Variants in DENND2B observed in about 807,000 individuals in gnomAD.
The protein encoded by DENND2B is DENN domain containing 2B.
In DENND2B, 32 loss-of-function variants were observed where a neutral mutation model predicts 116.0. The observed-to-expected ratio is 0.28, with a 90% CI of 0.21 to 0.37. The LOEUF (loss-of-function observed/expected upper bound fraction) is 0.37, where lower values mean the gene tolerates loss of function less well. Among genes scored for constraint, DENND2B ranks in the 10% least tolerant of loss-of-function variants. DENND2B has a pLI of 1.00. For synonymous variants in DENND2B, 588 were observed against 583.9 expected (o/e 1.01, Z -0.10); for missense variants, 1,276 against 1,477.7 (o/e 0.86, Z 2.24).
chr11:8,702,945 A>G lies in DENND2B; in HGVS notation c.2572-225T>C. On this transcript the variant is annotated intron_variant, in intron 13 of 19. Transcript: ENST00000313726. The surrounding 1 kb of genome is among the most constrained non-coding windows in gnomAD (Gnocchi z 4.6). The stretch of plus-strand genomic sequence containing the variant: ...TGTGGGCAAGAGGGCTGCCTGTGAA[A>G]GCGGGGAAGGCTCCAGAAGGAAGGA... 1.8e-6 allele frequency: 1 copy of G among 565,084 alleles called. No homozygotes were observed. The highest frequency in any genetic ancestry group is 3.1e-6 in the Non-Finnish European group (1 of 326,420). The allele number at this position is 565,084 out of a possible 1,614,324, so 35.0% of individuals were successfully genotyped here. A position where few individuals can be genotyped will look rare whatever the true frequency, so the allele number is the denominator to read the frequency against.
intron 1 of DENND2B, chr11:8,768,891 G>A (rs1384455659): frequency 6.6e-6 from 1 of 152,230 alleles, no homozygotes; most frequent in East Asian, 1.9e-4. Context: ...TTTGAGGGAT[G>A]TAGCTGACTA....
In DENND2B at chr11:8,766,663, C is replaced by T. The variant is rs574430863; in HGVS notation, c.-25-15938G>A. 51 of 1,289,252 alleles carry T rather than the reference C, an allele frequency of 4.0e-5. No homozygotes were observed. The African/African-American group carries it at 7.3e-4, about 18-fold the overall frequency. 79.9% of individuals were successfully genotyped at this position (1,289,252 alleles called of 1,614,324 possible). A position where few individuals can be genotyped will look rare whatever the true frequency, so the allele number is the denominator to read the frequency against. On this transcript the variant is annotated intron_variant, in intron 1 of 19. Transcript: ENST00000313726. ...TTCTTTGTTCCCACGGGGTTTCTTGCCAGCTATGCGCCCCACCTCCATTCT... is the reference window on the plus strand; with the variant it reads ...TTCTTTGTTCCCACGGGGTTTCTTGTCAGCTATGCGCCCCACCTCCATTCT...
At chr11:8,797,984 C>T (rs2059983530) in intron 1 of DENND2B, among the ~76,000 whole-genome samples, 1 of 152,200 alleles carries the variant, frequency 6.6e-6, no homozygotes, top group Non-Finnish European at 1.5e-5. Flanking sequence ...CCCAAATCTG[C>T]ACATTAACGG....
rs1446660669 is a variant in DENND2B, at chr11:8,707,479, A to C, written c.2431-254T>G. On this transcript the variant is annotated intron_variant, in intron 12 of 19. Coordinates refer to ENST00000313726, the MANE Select transcript of DENND2B (RefSeq NM_213618.2). This position sits in a 1 kb window ranked among gnomAD's most constrained non-coding sequence, Gnocchi z 4.8. ...CTGGGCAAAGGAAATACCACCCAAG[A>C]GTCAGCTCCCTGGGCGCTCCTGCTT... Among the ~76,000 whole-genome samples, 1 of 152,198 alleles carries C rather than the reference A, an allele frequency of 6.6e-6. No homozygotes were observed. Among genetic ancestry groups the C allele is most frequent in the Admixed American group, 6.5e-5 (1 of 15,286 alleles).
At chr11:8,759,363 G>A (rs1319855095) in intron 1 of DENND2B, among the ~76,000 whole-genome samples, 3 of 152,182 alleles carry the variant, frequency 2.0e-5, no homozygotes, top group Non-Finnish European at 4.4e-5. Context: ...GCAAGCATTT[G>A]GAGGAAAGCC....
At chr11:8,718,103 C>CCCCCCCCCT (rs2045342470) in intron 4 of DENND2B, 1 of 266,048 alleles carries the variant, frequency 3.8e-6, no homozygotes, top group Non-Finnish European at 7.1e-6. Context: ...CCCACCCCCC[C>CCCCCCCCCT]ACCCCCCCCA....
chr11:8,725,092 G>GA (rs2133890838), intron 4 of DENND2B, among the ~76,000 whole-genome samples: 1 of 152,312 alleles, frequency 6.6e-6, no homozygotes, highest in Admixed American at 6.5e-5. Context: ...CCAGCACCAT[G>GA]AAACTGGGGC....
At chr11:8,831,236 G>A (rs904785783) in intron 4 of DENND2B, among the ~76,000 whole-genome samples, 2 of 152,204 alleles carry the variant, frequency 1.3e-5, no homozygotes, top group Non-Finnish European at 2.9e-5. Flanking sequence ...ACATAAGTAT[G>A]TAATGGGTGT....
intron 1 of DENND2B, among the ~76,000 whole-genome samples, chr11:8,754,274 G>T (rs1320403598): frequency 6.6e-6 from 1 of 152,156 alleles, no homozygotes; most frequent in East Asian, 1.9e-4. Flanking sequence ...ATTTGGAACA[G>T]AAATTCTCCA....
At chr11:8,890,765 G>C (rs929046857) in intron 1 of DENND2B, among the ~76,000 whole-genome samples, 1 of 152,154 alleles carries the variant, frequency 6.6e-6, no homozygotes, top group African/African-American at 2.4e-5. Context: ...CTACATCTGA[G>C]TGGTGTACCT....
intron 4 of DENND2B, among the ~76,000 whole-genome samples, chr11:8,836,413 C>CTTTTTTTTTTTTT (rs67181023): frequency 1.3e-5 from 1 of 77,550 alleles, no homozygotes. Flanking sequence ...TTCTGTACTT[C>CTTTTTTTTTTTTT]TTTTTTTTTT....
intron 3 of DENND2B, among the ~76,000 whole-genome samples, chr11:8,845,884 G>C (rs1436066668): frequency 1.3e-5 from 2 of 152,126 alleles, no homozygotes; most frequent in Non-Finnish European, 2.9e-5. Flanking sequence ...ACTGAAGACA[G>C]CCTAAATGTG....
chr11:8,711,429 T>C (rs1261758174), intron 9 of DENND2B, among the ~76,000 whole-genome samples, 198 bp from the exon 10 acceptor site: 1 of 152,148 alleles, frequency 6.6e-6, no homozygotes, highest in East Asian at 1.9e-4. Context: ...GAGTGCTTTC[T>C]ATATGGCATC....
intron 2 of DENND2B, among the ~76,000 whole-genome samples, chr11:8,748,061 A>C (rs1593106003): frequency 6.6e-6 from 1 of 152,204 alleles, no homozygotes; most frequent in Non-Finnish European, 1.5e-5. Flanking sequence ...AGCTGGATAC[A>C]AATGCGTCTT....
At chr11:8,812,085 C>T (rs1434740147), upstream of DENND2B, among the ~76,000 whole-genome samples, 1 of 152,180 alleles carries the variant, frequency 6.6e-6, no homozygotes, top group East Asian at 1.9e-4. Flanking sequence ...AGAGATTAAA[C>T]ATTTGATCTG....
Position 8,702,612 on chromosome 11 carries a change from G to A in DENND2B, c.2680C>T (p.Leu894=). The A allele has an allele frequency of 2.5e-6, 4 of 1,613,768 alleles. No homozygotes were observed. The highest frequency in any genetic ancestry group is 3.4e-6 in the Non-Finnish European group (4 of 1,180,046). The part of the protein sequence containing the change: ...RQLIRIFASL[L]LERRVIFVAD... ...ACAAAAATGACCCGGCGCTCCAGCA[G>A]CAGTGAGGCAAAGATTCGGATGAGC... Residue 894 remains leucine, a synonymous_variant, in exon 14 of 20, where the codon CTG becomes TTG. Coordinates refer to ENST00000313726, the MANE Select transcript of DENND2B (RefSeq NM_213618.2). This position sits in a 1 kb window ranked among gnomAD's most constrained non-coding sequence, Gnocchi z 4.6.
At chr11:8,870,003 T>A (rs1191593363) in intron 2 of DENND2B, among the ~76,000 whole-genome samples, 1 of 152,232 alleles carries the variant, frequency 6.6e-6, no homozygotes, top group Non-Finnish European at 1.5e-5. Flanking sequence ...CCTTTGGGTT[T>A]TAACCCTGTG....
At position 8,743,263 on chromosome 11, in the gene DENND2B, A is replaced by C. The variant is rs116352272; in HGVS notation, c.80+7358T>G. On this transcript the variant is annotated intron_variant, in intron 2 of 19. Coordinates refer to ENST00000313726, the MANE Select transcript of DENND2B (RefSeq NM_213618.2). ...GAAAAACCCTTTGTTAAGCCCCCAA[A>C]AACTGGCCAGGTACGGTGGCTCATG... 5.5e-3 allele frequency among the ~76,000 whole-genome samples: 828 copies of C among 151,680 alleles called. 11 individuals carry two copies. Among genetic ancestry groups the C allele is most frequent in the African/African-American group, 0.019 (772 of 41,376 alleles).
At chr11:8,843,523 G>A (rs952705890) in intron 3 of DENND2B, among the ~76,000 whole-genome samples, 37 of 152,138 alleles carry the variant, frequency 2.4e-4, no homozygotes, top group African/African-American at 8.7e-4. Flanking sequence ...TACTAAGATG[G>A]AAAACAGTCA....
Sources: gnomAD v4.1 joint callset for allele counts (sites outside exome capture counted in the v4.1 genomes callset) on GRCh38, gnomAD v4.1.1 for gene constraint, Gnocchi (gnomAD v3.1) non-coding constraint, MANE v1.5 for transcripts, NCBI Gene and HGNC (gene_info 2026-07-23, HGNC 2026-07-21) for gene names.